Variants in BICD1 observed in about 807,000 individuals in gnomAD.
The protein encoded by BICD1 is protein bicaudal D homolog 1.
BICD1 carries 35 observed loss-of-function variants against 92.5 expected under a neutral mutation model. The observed-to-expected ratio is 0.38, with a 90% CI of 0.29 to 0.50. The LOEUF is 0.50. Among genes scored for constraint, BICD1 ranks in the 20% least tolerant of loss-of-function variants. The pLI is 0.93. For missense variants in BICD1, 950 were observed against 1,189.8 expected (o/e 0.80, Z 2.97); for synonymous variants, 429 against 465.1 (o/e 0.92, Z 1.00).
rs1941501628 is a variant in BICD1, at chr12:32,107,174, C to G, written c.-158C>G. On this transcript the variant is annotated 5_prime_UTR_variant, in exon 1 of 10. Coordinates refer to ENST00000652176, the MANE Select transcript of BICD1 (RefSeq NM_001714.4). Reference sequence around the variant, plus strand: ...TTCTCGGGCGGTGTAGCTGCCGCTGCCACCAGAGCCGGCGGGGCATCGCGC... The same window carrying G: ...TTCTCGGGCGGTGTAGCTGCCGCTGGCACCAGAGCCGGCGGGGCATCGCGC... 1 of 694,264 alleles carries G rather than the reference C, an allele frequency of 1.4e-6. No homozygotes were observed. Among genetic ancestry groups the G allele is most frequent in the African/African-American group, 1.8e-5 (1 of 55,436 alleles). 43.0% of individuals were successfully genotyped at this position (694,264 alleles called of 1,614,324 possible).
intron 1 of BICD1, among the ~76,000 whole-genome samples, chr12:32,142,262 C>G (rs750200397): frequency 1.1e-3 from 162 of 151,850 alleles, no homozygotes; most frequent in Non-Finnish European, 1.8e-3. Context: ...AAAAATTAGC[C>G]AGGTGTGGTG....
chr12:32,148,632 C>T (rs900283345), intron 1 of BICD1, among the ~76,000 whole-genome samples: 1 of 152,150 alleles, frequency 6.6e-6, no homozygotes, highest in Non-Finnish European at 1.5e-5. Flanking sequence ...GGCAGACAGG[C>T]AGGTAGGAAC....
Position 32,327,647 on chromosome 12 carries a change from G to C in BICD1, c.1192G>C (p.Asp398His), listed in dbSNP as rs144053152. The C allele has an allele frequency of 3.7e-6, 6 of 1,614,014 alleles. No homozygotes were observed. The highest frequency in any genetic ancestry group is 4.2e-6 in the Non-Finnish European group (5 of 1,180,020). The change falls in exon 5 of 10, where the codon GAC becomes CAC. Residue 398 changes from aspartate (D) to histidine (H), a missense_variant. By Grantham distance (81) the Asp-to-His change is moderately conservative (BLOSUM62 -1). This residue lies in a region of BICD1 where 246 missense variants were observed against 258.4 expected (regional missense o/e 0.95). Transcript: ENST00000652176. ...KAELDGEKGR[D>H]SGEEAHDYEV... ...TGAGCTGGACGGGGAGAAGGGCCGGGACTCAGGGGAGGAGGCCCATGACTA... is the reference window on the plus strand; with the variant it reads ...TGAGCTGGACGGGGAGAAGGGCCGGCACTCAGGGGAGGAGGCCCATGACTA...
chr12:32,216,598 C>G, intron 2 of BICD1, 139 bp downstream of exon 2: 1 of 824,220 alleles, frequency 1.2e-6, no homozygotes, highest in Non-Finnish European at 1.8e-6. Context: ...GAGCTAGCAA[C>G]TTTTCTTTTT....
At chr12:32,107,712 A>G (rs1429230490) in intron 1 of BICD1, 168 bp downstream of exon 1, 1 of 844,614 alleles carries the variant, frequency 1.2e-6, no homozygotes, top group Admixed American at 2.0e-5. Context: ...TTCCTCCCCC[A>G]AGAGAAAAAT....
intron 1 of BICD1, among the ~76,000 whole-genome samples, chr12:32,161,509 T>C (rs1943600267): frequency 6.6e-6 from 1 of 152,230 alleles, no homozygotes; most frequent in African/African-American, 2.4e-5. Context: ...AATTTGTCTT[T>C]ATTTGATATC....
chr12:32,360,753 T>C (rs559234030), intron 8 of BICD1, among the ~76,000 whole-genome samples: 1 of 152,334 alleles, frequency 6.6e-6, no homozygotes, highest in East Asian at 1.9e-4. Context: ...CTTATATTTA[T>C]GAAATATGGT....
chr12:32,233,637 T>G (rs1397199783), intron 2 of BICD1, among the ~76,000 whole-genome samples: 1 of 151,824 alleles, frequency 6.6e-6, no homozygotes, highest in African/African-American at 2.4e-5. Context: ...TAAAGATCTG[T>G]GCACAATCCA....
At position 32,119,742 on chromosome 12, in the gene BICD1, G is replaced by A. The variant is rs1942075276; in HGVS notation, c.213+12198G>A. On this transcript the variant is annotated intron_variant, in intron 1 of 9. Transcript: ENST00000652176. ...CAGAATTAGCTGGGCATGCTGGCAT[G>A]CGCCTGTAGTCCCAGCTATTCGGGA... Among the ~76,000 whole-genome samples, 4 of 152,180 alleles carry A rather than the reference G, an allele frequency of 2.6e-5. No individual in the cohort carries two copies. The South Asian group carries it at 8.3e-4, about 32-fold the overall frequency.
At chr12:32,291,867 C>T (rs1267247857) in intron 2 of BICD1, among the ~76,000 whole-genome samples, 1 of 152,022 alleles carries the variant, frequency 6.6e-6, no homozygotes, top group East Asian at 1.9e-4. Context: ...GACTATGAAG[C>T]AAGATGAGAG....
intron 1 of BICD1, among the ~76,000 whole-genome samples, chr12:32,183,633 C>T (rs1446232175): frequency 6.6e-6 from 1 of 152,194 alleles, no homozygotes; most frequent in Non-Finnish European, 1.5e-5. Flanking sequence ...ACACCACTAG[C>T]TAACTTAAGC....
At chr12:32,117,714 A>G (rs1941973482) in intron 1 of BICD1, among the ~76,000 whole-genome samples, 1 of 72,560 alleles carries the variant, frequency 1.4e-5, no homozygotes, top group African/African-American at 4.7e-5. Flanking sequence ...ATATATATAC[A>G]CACACACACA....
chr12:32,254,489 AC>A (rs753853929), intron 2 of BICD1, among the ~76,000 whole-genome samples: 8 of 152,266 alleles, frequency 5.3e-5, no homozygotes, highest in Non-Finnish European at 8.8e-5. Context: ...AAATCTCTTA[AC>A]AGGTACCACG....
intron 2 of BICD1, among the ~76,000 whole-genome samples, chr12:32,221,281 T>A (rs988777280): frequency 6.7e-6 from 1 of 149,698 alleles, no homozygotes. Flanking sequence ...TAAAAAAAAA[T>A]GTAAAATGCT....
rs557942075 is a variant in BICD1, at chr12:32,306,410, AT to A, written c.1005+295del. On this transcript the variant is annotated intron_variant, in intron 4 of 9. Coordinates refer to ENST00000652176, the MANE Select transcript of BICD1 (RefSeq NM_001714.4). ...AGGTGCCCGCCACCATGCCCGGCTA[AT>A]TTTTTTGTATTTTTAGTAGAGACGG... Among the ~76,000 whole-genome samples the A allele has an allele frequency of 7.2e-3, 1,090 of 151,516 alleles. 3 individuals are homozygous for A. Among genetic ancestry groups the A allele is most frequent in the East Asian group, 0.016 (79 of 5,042 alleles).
intron 2 of BICD1, among the ~76,000 whole-genome samples, chr12:32,223,001 C>A (rs890499913): frequency 6.6e-6 from 1 of 152,182 alleles, no homozygotes; most frequent in African/African-American, 2.4e-5. Context: ...GTTATTTTGT[C>A]TATGTTGAAA....
chr12:32,368,086 T>C lies in BICD1; in HGVS notation c.2840+341T>C, dbSNP rs547870960. Reference sequence around the variant, plus strand: ...GATGTTTGTCCTACTTTTTATTTTCTTTTGTCTTTAAAATATATTTATTTT... The same window carrying C: ...GATGTTTGTCCTACTTTTTATTTTCCTTTGTCTTTAAAATATATTTATTTT... On this transcript the variant is annotated intron_variant, in intron 9 of 9. Coordinates refer to ENST00000652176, the MANE Select transcript of BICD1 (RefSeq NM_001714.4). 2.8e-5 allele frequency: 6 copies of C among 218,024 alleles called. No homozygotes were observed. The South Asian group carries it at 7.1e-4, about 26-fold the overall frequency. 13.5% of individuals were successfully genotyped at this position (218,024 alleles called of 1,614,324 possible).
chr12:32,181,784 AC>A lies in BICD1; in HGVS notation c.214-34462del. On this transcript the variant is annotated intron_variant, in intron 1 of 9. Transcript: ENST00000652176. ...CTTATTATCATTTTAACAGAGAAAAACACTGACCTATGTAATTTTAGTGCAA... is the reference window on the plus strand; with the variant it reads ...CTTATTATCATTTTAACAGAGAAAAAACTGACCTATGTAATTTTAGTGCAA... 2.0e-5 allele frequency among the ~76,000 whole-genome samples: 3 copies of A among 152,154 alleles called. No homozygotes were observed. In the South Asian group the frequency reaches 6.2e-4, roughly 32 times the overall value.
intron 2 of BICD1, among the ~76,000 whole-genome samples, chr12:32,268,430 A>G (rs1365833391): frequency 6.6e-6 from 1 of 152,220 alleles, no homozygotes; most frequent in African/African-American, 2.4e-5. Context: ...AAAGAAATAC[A>G]TCATTGGATA....
Sources: gnomAD v4.1 joint callset for allele counts (sites outside exome capture counted in the v4.1 genomes callset) on GRCh38, gnomAD v4.1.1 for gene constraint, gnomAD v4.1.1 regional missense constraint, MANE v1.5 for transcripts, NCBI Gene and HGNC (gene_info 2026-07-23, HGNC 2026-07-21) for gene names.